The following TCF4 variants were observed in gnomAD, a reference collection of about 807,000 sequenced individuals.
The protein encoded by TCF4 is SL3-3 enhancer factor 2.
In TCF4, 3 loss-of-function variants were observed where a neutral mutation model predicts 82.1. That is an observed-to-expected ratio of 0.04 (90% CI 0.02 to 0.09). The LOEUF is 0.09. Ranked by LOEUF, TCF4 falls within the 10% of genes least tolerant of loss-of-function variation. TCF4 has a pLI of 1.00. For synonymous variants in TCF4, 276 were observed against 309.6 expected, an observed-to-expected ratio of 0.89 and a Z score of 1.14; for missense variants, 518 against 852.7, an observed-to-expected ratio of 0.61 and a Z score of 4.89.
In TCF4 at chr18:55,330,617, G is replaced by A. The variant is rs576240954; in HGVS notation, c.549+19742C>T. Among the ~76,000 whole-genome samples, 4 of 152,198 alleles carry A rather than the reference G, an allele frequency of 2.6e-5. No homozygotes were observed. In the South Asian group the frequency reaches 8.3e-4, roughly 32 times the overall value. Reference sequence around the variant, plus strand: ...AGTCTCGCTCTGTCACCAGGCTGGAGTGCAGTGGTGTGATCTTGGCTCACT... The same window carrying A: ...AGTCTCGCTCTGTCACCAGGCTGGAATGCAGTGGTGTGATCTTGGCTCACT... On this transcript the variant is annotated intron_variant, in intron 8 of 19. Coordinates refer to ENST00000354452, the MANE Select transcript of TCF4 (RefSeq NM_001083962.2).
intron 3 of TCF4, among the ~76,000 whole-genome samples, chr18:55,532,571 T>C (rs974592325): frequency 6.6e-6 from 1 of 152,218 alleles, no homozygotes; most frequent in African/African-American, 2.4e-5. Flanking sequence ...TCCTATTCTC[T>C]CACTAGTTTC....
At chr18:55,249,731 A>ATT (rs2054432483) in intron 15 of TCF4, among the ~76,000 whole-genome samples, 1 of 152,244 alleles carries the variant, frequency 6.6e-6, no homozygotes, top group Non-Finnish European at 1.5e-5. Context: ...TCTGAGAGCT[A>ATT]CACTAATGCG....
rs895426748 is a variant in TCF4, at chr18:55,464,138, C to T, written c.146-1G>A. Reference sequence around the variant, plus strand: ...CCTGAGCTACTTCTGTCTTCTACATCTAGGGACAAGAGAAAAGTTCTTTAG... The same window carrying T: ...CCTGAGCTACTTCTGTCTTCTACATTTAGGGACAAGAGAAAAGTTCTTTAG... On this transcript the variant is annotated splice_acceptor_variant, in intron 3 of 19. Coordinates refer to ENST00000354452, the MANE Select transcript of TCF4 (RefSeq NM_001083962.2). LOFTEE classifies it high-confidence loss of function. The T allele has an allele frequency of 6.2e-7, 1 of 1,613,874 alleles. No individual in the cohort carries two copies. Among genetic ancestry groups the T allele is most frequent in the Non-Finnish European group, 8.5e-7 (1 of 1,179,928 alleles).
At chr18:55,411,476 G>GA (rs1157783826) in intron 5 of TCF4, among the ~76,000 whole-genome samples, 1 of 152,122 alleles carries the variant, frequency 6.6e-6, no homozygotes, top group Admixed American at 6.5e-5. Context: ...ATATAAAAAT[G>GA]AAAAAAAGCT....
At chr18:55,586,825 G>A in intron 2 of TCF4, 2 of 500,594 alleles carry the variant, frequency 4.0e-6, no homozygotes, top group South Asian at 2.1e-5. Context: ...GGAATTGAAG[G>A]CCAGTAATAA....
chr18:55,498,658 C>T (rs987668554), intron 3 of TCF4, among the ~76,000 whole-genome samples: 4 of 152,152 alleles, frequency 2.6e-5, no homozygotes, highest in Non-Finnish European at 4.4e-5. Flanking sequence ...TTGTTTCCCA[C>T]GCCATCAGAG....
exon 1 of TCF4, chr18:55,635,810 C>T (rs942486554): frequency 6.4e-7 from 1 of 1,554,926 alleles, no homozygotes; most frequent in Non-Finnish European, 8.7e-7. Context: ...ACTGCACCCT[C>T]CATCTTTGAG....
intron 3 of TCF4, among the ~76,000 whole-genome samples, chr18:55,565,557 T>A (rs561439239): frequency 6.6e-6 from 1 of 152,162 alleles, no homozygotes; most frequent in South Asian, 2.1e-4. Context: ...CAGATTTTCA[T>A]AGATTCAATA....
At chr18:55,267,918 G>A (rs922798787) in intron 11 of TCF4, 4 of 151,984 alleles carry the variant, frequency 2.6e-5, no homozygotes, top group Non-Finnish European at 4.4e-5. Flanking sequence ...TCAGCATATA[G>A]AAGTCACCTA....
At chr18:55,297,108 A>G (rs2066705065) in intron 8 of TCF4, among the ~76,000 whole-genome samples, 1 of 125,738 alleles carries the variant, frequency 8.0e-6, no homozygotes, top group East Asian at 2.4e-4. Context: ...TGTAGGAACT[A>G]TTTGATGTCC....
intron 8 of TCF4, among the ~76,000 whole-genome samples, chr18:55,334,887 C>A (rs2078315111): frequency 6.6e-6 from 1 of 152,136 alleles, no homozygotes; most frequent in Non-Finnish European, 1.5e-5. Flanking sequence ...CATATCCTGA[C>A]AAATTATTCA....
chr18:55,302,588 G>A, intron 8 of TCF4: 2 of 1,532,026 alleles, frequency 1.3e-6, no homozygotes, highest in Non-Finnish European at 1.7e-6. Flanking sequence ...TTCATAATGG[G>A]AGGGAGAGAG....
chr18:55,356,453 T>C (rs1260661477), intron 6 of TCF4, among the ~76,000 whole-genome samples: 1 of 152,192 alleles, frequency 6.6e-6, no homozygotes, highest in African/African-American at 2.4e-5. Context: ...TTCCTGGAAA[T>C]GCCACAAGGA....
intron 3 of TCF4, among the ~76,000 whole-genome samples, chr18:55,520,838 A>G (rs1198384813): frequency 2.6e-5 from 4 of 152,196 alleles, no homozygotes; most frequent in Non-Finnish European, 5.9e-5. Context: ...TTACCAGTTA[A>G]CCATAAAATT....
At chr18:55,397,254 C>T (rs1157325919) in intron 6 of TCF4, among the ~76,000 whole-genome samples, 2 of 152,154 alleles carry the variant, frequency 1.3e-5, no homozygotes, top group African/African-American at 4.8e-5. Flanking sequence ...ATGAAGTACT[C>T]CAGCCGAAAA....
At chr18:55,499,879 TGTC>T in intron 3 of TCF4, among the ~76,000 whole-genome samples, 1 of 152,324 alleles carries the variant, frequency 6.6e-6, no homozygotes, top group Middle Eastern at 3.4e-3. Flanking sequence ...GGTTCAGCAA[TGTC>T]TGCATATTTT....
At chr18:55,500,889 T>C (rs2096691334) in intron 3 of TCF4, among the ~76,000 whole-genome samples, 1 of 152,194 alleles carries the variant, frequency 6.6e-6, no homozygotes, top group Non-Finnish European at 1.5e-5. Flanking sequence ...TTCTTGCTGA[T>C]AAATTCTCCT....
intron 8 of TCF4, chr18:55,321,986 T>G (rs1468083389): frequency 1.7e-5 from 22 of 1,258,740 alleles, no homozygotes; most frequent in Admixed American, 3.8e-5. Flanking sequence ...GAAATCCTAA[T>G]GCATACGCGA....
chr18:55,430,702 T>C lies in TCF4; in HGVS notation c.305-27184A>G, dbSNP rs2095163958. Among the ~76,000 whole-genome samples, 3 of 151,142 alleles carry C rather than the reference T, an allele frequency of 2.0e-5. No homozygotes were observed. The South Asian group carries it at 6.2e-4, about 31-fold the overall frequency. On this transcript the variant is annotated intron_variant, in intron 5 of 19. Coordinates refer to ENST00000354452, the MANE Select transcript of TCF4 (RefSeq NM_001083962.2). Reference sequence around the variant, plus strand: ...AGTTAGACGTTTTTAACATTGTGGATGTTGAGGGAGACAGGTTTTAAAAGA... The same window carrying C: ...AGTTAGACGTTTTTAACATTGTGGACGTTGAGGGAGACAGGTTTTAAAAGA...
Sources: gnomAD v4.1 joint callset for allele counts (sites outside exome capture counted in the v4.1 genomes callset) on GRCh38, gnomAD v4.1.1 for gene constraint, MANE v1.5 for transcripts, NCBI Gene and HGNC (gene_info 2026-07-23, HGNC 2026-07-21) for gene names.